Variants in ANKRD13A observed in about 807,000 individuals in gnomAD.
The protein encoded by ANKRD13A is ankyrin repeat domain-containing protein 13A.
Under a neutral mutation model 81.3 loss-of-function variants are expected in ANKRD13A, and 48 were observed. The ratio of observed to expected loss-of-function variants is 0.59; its 90% CI spans 0.47 to 0.75. The LOEUF is 0.75. ANKRD13A is among the 30% of genes least tolerant of loss of function. ANKRD13A has a pLI of 0.00. For synonymous variants in ANKRD13A, 230 were observed against 270.1 expected, an observed-to-expected ratio of 0.85 and a Z score of 1.45; for missense variants, 612 against 734.0, an observed-to-expected ratio of 0.83 and a Z score of 1.92.
intron 1 of ANKRD13A, among the ~76,000 whole-genome samples, chr12:110,004,027 G>A (rs900160795): frequency 5.9e-5 from 9 of 152,038 alleles, no homozygotes; most frequent in Admixed American, 3.3e-4. Flanking sequence ...GCATGGTGGC[G>A]GGTGCTTGTA....
intron 1 of ANKRD13A, among the ~76,000 whole-genome samples, chr12:110,008,026 A>G (rs1890326421): frequency 6.6e-6 from 1 of 152,206 alleles, no homozygotes; most frequent in Admixed American, 6.5e-5. Context: ...AATCTCTAGT[A>G]CAATGTTGAC....
In ANKRD13A at chr12:110,030,675, G is replaced by T; in HGVS notation, c.1265G>T (p.Arg422Leu). The stretch of plus-strand genomic sequence containing the variant: ...CCCTTGTTTCATGTCTTAAATGCAC[G>T]GATTACATTTGGAAATGTTAATGGC... ...EIPLFHVLNA[R>L]ITFGNVNGCS... The change falls in exon 12 of 15, where the codon CGG becomes CTG. Residue 422 changes from arginine to leucine, a missense_variant. Arg to Leu is a moderately radical substitution (Grantham distance 102, BLOSUM62 -2). Coordinates refer to ENST00000261739, the MANE Select transcript of ANKRD13A (RefSeq NM_033121.2). The T allele has an allele frequency of 6.2e-7, 1 of 1,605,860 alleles. No homozygotes were observed. The highest frequency in any genetic ancestry group is 8.5e-7 in the Non-Finnish European group (1 of 1,175,546).
In ANKRD13A at chr12:110,018,257, C is replaced by A. The variant is rs1435225017; in HGVS notation, c.401-88C>A. 3.1e-5 allele frequency: 44 copies of A among 1,431,392 alleles called. No individual in the cohort carries two copies. The highest frequency in any genetic ancestry group is 4.2e-5 in the Non-Finnish European group (44 of 1,053,108). 88.7% of individuals were successfully genotyped at this position (1,431,392 alleles called of 1,614,324 possible). A position where few individuals can be genotyped will look rare whatever the true frequency, so the allele number is the denominator to read the frequency against. ...TGGTCACCATCTTGCCACTCCCCTCCTTTTATTAAATCAGAATCCTGATTT... is the reference window on the plus strand; with the variant it reads ...TGGTCACCATCTTGCCACTCCCCTCATTTTATTAAATCAGAATCCTGATTT... On this transcript the variant is annotated intron_variant, in intron 4 of 14. Coordinates refer to ENST00000261739, the MANE Select transcript of ANKRD13A (RefSeq NM_033121.2). The surrounding 1 kb of genome is among the most constrained non-coding windows in gnomAD (Gnocchi z 4.4).
intron 1 of ANKRD13A, among the ~76,000 whole-genome samples, chr12:110,008,121 A>C (rs563073683): frequency 7.4e-4 from 113 of 152,304 alleles, no homozygotes; most frequent in Non-Finnish European, 1.5e-3. Flanking sequence ...CTATGATGTT[A>C]GTTGTGGGTT....
rs1892166379 is a variant in ANKRD13A, at chr12:110,037,950, C to T, written c.*396C>T. The T allele has an allele frequency of 6.2e-6, 1 of 160,148 alleles. No homozygotes were observed. The highest frequency in any genetic ancestry group is 2.4e-5 in the African/African-American group (1 of 41,578). The allele number at this position is 160,148 out of a possible 1,614,324, so 9.9% of individuals were successfully genotyped here. ...GTCAGGGTGCTTTTATATATAAGAG[C>T]AGCAGCCGCCTTTGTAAAGTGTGAT... On this transcript the variant is annotated 3_prime_UTR_variant, in exon 15 of 15. Coordinates refer to ENST00000261739, the MANE Select transcript of ANKRD13A (RefSeq NM_033121.2).
rs145897433 is a variant in ANKRD13A at position 110,025,728 on chromosome 12, C to T, written c.802-14C>T. The T allele has an allele frequency of 9.2e-5, 146 of 1,594,510 alleles. No individual in the cohort carries two copies. The African/African-American group carries it at 1.8e-3, about 19-fold the overall frequency. ...TTCCCTGTGTCACTGTTTTCTTTCG[C>T]ATACACCTCTCAGGTTTACACAGTA... is the stretch of plus-strand genomic sequence containing the variant. On this transcript the variant is annotated splice_polypyrimidine_tract_variant and intron_variant, in intron 7 of 14. Coordinates refer to ENST00000261739, the MANE Select transcript of ANKRD13A (RefSeq NM_033121.2).
chr12:110,021,425 CTT>C (rs59262099), intron 6 of ANKRD13A: 356 of 130,022 alleles, frequency 2.7e-3, no homozygotes, highest in South Asian at 0.012. Flanking sequence ...TTTTTTCTTT[CTT>C]TTTTTTTTTT....
chr12:110,007,030 G>A (rs1566046054), intron 1 of ANKRD13A, among the ~76,000 whole-genome samples: 1 of 152,164 alleles, frequency 6.6e-6, no homozygotes, highest in Non-Finnish European at 1.5e-5. Context: ...TTTATTTCTG[G>A]ACTCTAAATT....
chr12:110,009,545 T>C (rs1890406595), intron 1 of ANKRD13A, among the ~76,000 whole-genome samples: 1 of 152,252 alleles, frequency 6.6e-6, no homozygotes, highest in Non-Finnish European at 1.5e-5. Flanking sequence ...TTTGGTTTTG[T>C]TGATTTTCTC....
At chr12:110,027,963 A>C (rs1891438952) in intron 9 of ANKRD13A, 197 bp downstream of exon 9, 6 of 579,892 alleles carry the variant, frequency 1.0e-5, no homozygotes, top group Non-Finnish European at 1.5e-5. Context: ...ATTTTAGAGG[A>C]GGGGTAGTGA....
At chr12:110,017,343 AT>A (rs556241913) in intron 4 of ANKRD13A, among the ~76,000 whole-genome samples, 4 of 151,456 alleles carry the variant, frequency 2.6e-5, no homozygotes, top group South Asian at 2.1e-4. Context: ...GGAATAGCTT[AT>A]TTTTTTTTAA....
intron 1 of ANKRD13A, among the ~76,000 whole-genome samples, chr12:110,000,906 C>T (rs1889930120): frequency 6.6e-6 from 1 of 151,670 alleles, no homozygotes; most frequent in African/African-American, 2.4e-5. Context: ...TACAGGGATG[C>T]ACCACCACGC....
In ANKRD13A at chr12:110,025,924, G is replaced by A. The variant is rs1891294057; in HGVS notation, c.883+101G>A. On this transcript the variant is annotated intron_variant, in intron 8 of 14. Coordinates refer to ENST00000261739, the MANE Select transcript of ANKRD13A (RefSeq NM_033121.2). ...TTAAGTTTAGGGTTAATGTGATTGGGTTGTGTTAAGCCTAACCCTAACTTC... is the reference window on the plus strand; with the variant it reads ...TTAAGTTTAGGGTTAATGTGATTGGATTGTGTTAAGCCTAACCCTAACTTC... 4 of 984,840 alleles carry A rather than the reference G, an allele frequency of 4.1e-6. No individual in the cohort carries two copies. In the East Asian group the frequency reaches 7.8e-5, roughly 19 times the overall value. 61.0% of individuals were successfully genotyped at this position (984,840 alleles called of 1,614,324 possible).
At chr12:110,016,345 AG>A in intron 3 of ANKRD13A, 42 bp from the exon 4 acceptor site, 1 of 1,469,190 alleles carries the variant, frequency 6.8e-7, no homozygotes, top group Non-Finnish European at 9.2e-7. Flanking sequence ...TTGTGTTGAT[AG>A]TGCCAAGGGT....
At chr12:110,028,327 A>G (rs1276025655) in intron 9 of ANKRD13A, 185 bp from the exon 10 acceptor site, 2 of 536,706 alleles carry the variant, frequency 3.7e-6, no homozygotes, top group East Asian at 3.1e-5. Context: ...GAAGAAATCC[A>G]TTACACTTCC....
Position 110,036,732 on chromosome 12 carries a change from A to G in ANKRD13A, c.1577+404A>G, listed in dbSNP as rs1356322005. 6.6e-6 allele frequency among the ~76,000 whole-genome samples: 1 copy of G among 151,994 alleles called. No individual in the cohort carries two copies. Among genetic ancestry groups the G allele is most frequent in the Non-Finnish European group, 1.5e-5 (1 of 68,012 alleles). On this transcript the variant is annotated intron_variant, in intron 14 of 14. Coordinates refer to ENST00000261739, the MANE Select transcript of ANKRD13A (RefSeq NM_033121.2). This position sits in a 1 kb window ranked among gnomAD's most constrained non-coding sequence, Gnocchi z 4.6. Reference sequence around the variant, plus strand: ...GCCACTGCACTCCAGCCTGGGCGATAGAGCGAGACTCCGTCTCAAAAAAAA... The same window carrying G: ...GCCACTGCACTCCAGCCTGGGCGATGGAGCGAGACTCCGTCTCAAAAAAAA...
rs1890932160 is a variant in ANKRD13A, at chr12:110,018,927, G to C, written c.545-212G>C. The stretch of plus-strand genomic sequence containing the variant: ...TATTAAGAAAAATTCCGCACCTTTG[G>C]GGAAGATGGCTCAGAGCTTCCTATG... On this transcript the variant is annotated intron_variant, in intron 5 of 14. Coordinates refer to ENST00000261739, the MANE Select transcript of ANKRD13A (RefSeq NM_033121.2). This position sits in a 1 kb window ranked among gnomAD's most constrained non-coding sequence, Gnocchi z 4.4. 6.6e-6 allele frequency among the ~76,000 whole-genome samples: 1 copy of C among 152,074 alleles called. No homozygotes were observed. The highest frequency in any genetic ancestry group is 2.4e-5 in the African/African-American group (1 of 41,394).
At position 110,030,674 on chromosome 12, in the gene ANKRD13A, C is replaced by A; in HGVS notation, c.1264C>A (p.Arg422=). The change falls in exon 12 of 15, where the codon CGG becomes AGG. Residue 422 remains arginine (R), a synonymous_variant. Transcript: ENST00000261739. ...EIPLFHVLNA[R]ITFGNVNGCS... ...TCCCTTGTTTCATGTCTTAAATGCA[C>A]GGATTACATTTGGAAATGTTAATGG... 1 of 1,605,344 alleles carries A rather than the reference C, an allele frequency of 6.2e-7. No homozygotes were observed. The highest frequency in any genetic ancestry group is 8.5e-7 in the Non-Finnish European group (1 of 1,175,694).
intron 6 of ANKRD13A, among the ~76,000 whole-genome samples, chr12:110,019,962 G>C (rs935144024): frequency 5.3e-5 from 8 of 152,188 alleles, no homozygotes; most frequent in Non-Finnish European, 8.8e-5. Flanking sequence ...GGCATGGGGG[G>C]GCCTTTGAGT....
Sources: gnomAD v4.1 joint callset for allele counts (sites outside exome capture counted in the v4.1 genomes callset) on GRCh38, gnomAD v4.1.1 for gene constraint, Gnocchi (gnomAD v3.1) non-coding constraint, MANE v1.5 for transcripts, NCBI Gene and HGNC (gene_info 2026-07-23, HGNC 2026-07-21) for gene names.